Variants in COL27A1 observed in about 807,000 individuals in gnomAD.
COL27A1 encodes the protein collagen type XXVII alpha 1 chain, also known as collagen alpha-1(XXVII) chain.
In COL27A1, 106 loss-of-function variants were observed where a neutral mutation model predicts 251.3. The ratio of observed to expected loss-of-function variants is 0.42; its 90% confidence interval spans 0.36 to 0.50. COL27A1 has a LOEUF of 0.50. Among genes scored for constraint, COL27A1 ranks in the 20% least tolerant of loss-of-function variants. The pLI, the probability that COL27A1 is intolerant of heterozygous loss-of-function variation, is 0.00. For missense variants in COL27A1, 2,325 were observed against 2,522.8 expected (o/e 0.92, Z 1.68); for synonymous variants, 1,000 against 986.3 (o/e 1.01, Z -0.26).
At chr9:114,280,057 C>T (rs374984646) in intron 37 of COL27A1, among the ~76,000 whole-genome samples, 5 of 152,038 alleles carry the variant, frequency 3.3e-5, no homozygotes, top group South Asian at 2.1e-4. Context: ...ATACCTGATC[C>T]GTGTTTAGAT....
At chr9:114,265,155 TG>T in intron 31 of COL27A1, 45 bp downstream of exon 31, 1 of 537,316 alleles carries the variant, frequency 1.9e-6, no homozygotes, top group Non-Finnish European at 3.5e-6. Flanking sequence ...GGGCTTTTGA[TG>T]GGGGTGGGGG....
intron 28 of COL27A1, among the ~76,000 whole-genome samples, chr9:114,263,410 A>G (rs976512452): frequency 2.0e-5 from 3 of 151,852 alleles, no homozygotes; most frequent in Non-Finnish European, 4.4e-5. Context: ...CCTCCTCCAC[A>G]GGACACTCCT....
chr9:114,287,899 C>T (rs1050774979), intron 41 of COL27A1, among the ~76,000 whole-genome samples: 6 of 152,174 alleles, frequency 3.9e-5, no homozygotes, highest in African/African-American at 9.6e-5. Context: ...GGATAATAAT[C>T]GCATCTGCTT....
rs140033817 is a variant in COL27A1, at chr9:114,187,875, G to T, written c.2016+4800G>T. Among the ~76,000 whole-genome samples, 35 of 152,264 alleles carry T rather than the reference G, an allele frequency of 2.3e-4. No homozygotes were observed. The East Asian group carries it at 6.0e-3, about 26-fold the overall frequency. On this transcript the variant is annotated intron_variant, in intron 5 of 60. Coordinates refer to ENST00000356083, the MANE Select transcript of COL27A1 (RefSeq NM_032888.4). ...TTGATTAACATTACTGTATGTAAAT[G>T]TTAGAATATCTCCAATTATTTCATT...
intron 37 of COL27A1, among the ~76,000 whole-genome samples, chr9:114,277,784 G>A (rs72762662): frequency 6.6e-6 from 1 of 152,204 alleles, no homozygotes; most frequent in Admixed American, 6.5e-5. Flanking sequence ...CCCGCCCCCT[G>A]CCCTCTCTGG....
intron 5 of COL27A1, among the ~76,000 whole-genome samples, chr9:114,188,267 A>G (rs936905952): frequency 2.6e-5 from 4 of 152,236 alleles, no homozygotes; most frequent in African/African-American, 4.8e-5. Context: ...CTTCCAGGTC[A>G]TCAGGTCATT....
intron 7 of COL27A1, among the ~76,000 whole-genome samples, chr9:114,203,370 C>T (rs1829707830): frequency 6.6e-6 from 1 of 152,218 alleles, no homozygotes; most frequent in Admixed American, 6.5e-5. Flanking sequence ...CCTGCCATCC[C>T]TGCTCCAACT....
chr9:114,256,965 C>T (rs1833960537), intron 27 of COL27A1, among the ~76,000 whole-genome samples: 1 of 152,176 alleles, frequency 6.6e-6, no homozygotes, highest in African/African-American at 2.4e-5. Context: ...TGTTCTCCAC[C>T]ATCCGGGAGT....
At position 114,301,033 on chromosome 9, in the gene COL27A1, C is replaced by G. The variant is rs750944865; in HGVS notation, c.4702-39C>G. ...CGCTCCCCGTGTCTGTTCCCCAGGC[C>G]CTGGAACAAGGACACATGAGCCTTT... On this transcript the variant is annotated intron_variant, in intron 51 of 60. Transcript: ENST00000356083. 14 of 1,565,506 alleles carry G rather than the reference C, an allele frequency of 8.9e-6. 1 individual carries two copies. In the South Asian group the frequency reaches 1.7e-4, roughly 19 times the overall value.
At chr9:114,176,092 A>G (rs1827417035) in intron 3 of COL27A1, among the ~76,000 whole-genome samples, 1 of 152,194 alleles carries the variant, frequency 6.6e-6, no homozygotes, top group African/African-American at 2.4e-5. Context: ...GTTTGAATCC[A>G]GGCTCTGCCT....
In COL27A1 at chr9:114,231,990, C is replaced by T. The variant is rs1010252960; in HGVS notation, c.2565+124C>T. ...TGCACTCTTCCTGCCTCTCCTCTGG[C>T]CTCCCCTAAATCTGTGCTCCCTAGC... On this transcript the variant is annotated intron_variant, in intron 16 of 60. Coordinates refer to ENST00000356083, the MANE Select transcript of COL27A1 (RefSeq NM_032888.4). The T allele has an allele frequency of 2.3e-5, 21 of 929,004 alleles. No individual in the cohort carries two copies. In the South Asian group the frequency reaches 2.4e-4, roughly 11 times the overall value. The allele number at this position is 929,004 out of a possible 1,614,324, so 57.5% of individuals were successfully genotyped here. A position where few individuals can be genotyped will look rare whatever the true frequency, so the allele number is the denominator to read the frequency against.
At chr9:114,229,829 C>G (rs1831806287) in intron 14 of COL27A1, among the ~76,000 whole-genome samples, 1 of 152,192 alleles carries the variant, frequency 6.6e-6, no homozygotes, top group Non-Finnish European at 1.5e-5. Flanking sequence ...TCAGCCGCTT[C>G]TTCACTCTGT....
In COL27A1 at chr9:114,168,512, A is replaced by C; in HGVS notation, c.957A>C (p.Gln319His). The C allele has an allele frequency of 6.2e-7, 1 of 1,613,858 alleles. No individual in the cohort carries two copies. Among genetic ancestry groups the C allele is most frequent in the South Asian group, 1.1e-5 (1 of 91,066 alleles). The part of the protein sequence containing the change: ...HQHMAVGGPA[Q>H]TPLLPAKLSA... ...ATATGGCGGTGGGAGGCCCAGCCCA[A>C]ACCCCGCTGCTACCTGCCAAGCTGT... The change falls in exon 3 of 61, where the codon CAA becomes CAC. Residue 319 changes from glutamine to histidine, a missense_variant. Gln to His is a conservative substitution (Grantham distance 24). This residue lies in a region of COL27A1 where 1,183 missense variants were observed against 1,144.1 expected (regional missense o/e 1.03). Transcript: ENST00000356083.
At chr9:114,196,176 G>A (rs1389268815) in intron 7 of COL27A1, among the ~76,000 whole-genome samples, 164 bp downstream of exon 7, 5 of 152,220 alleles carry the variant, frequency 3.3e-5, no homozygotes, top group Admixed American at 6.5e-5. Flanking sequence ...CAAGGGTTGT[G>A]CCTGTTGAGG....
rs557681952 is a variant in COL27A1, at chr9:114,292,706, T to C, written c.4584+496T>C. On this transcript the variant is annotated intron_variant, in intron 49 of 60. Transcript: ENST00000356083. ...CAACTACATCTGCTGCTACAAGAAA[T>C]CCACTTCAAATATAAAGATATAAGT... is the stretch of plus-strand genomic sequence containing the variant. Among the ~76,000 whole-genome samples, 5 of 152,314 alleles carry C rather than the reference T, an allele frequency of 3.3e-5. No homozygotes were observed. In the South Asian group the frequency reaches 1.0e-3, roughly 32 times the overall value.
upstream of COL27A1, among the ~76,000 whole-genome samples, chr9:114,154,947 G>T (rs139650651): frequency 1.5e-3 from 223 of 152,250 alleles, 2 homozygotes; most frequent in African/African-American, 5.0e-3. The surrounding 1 kb of genome is among the most constrained non-coding windows in gnomAD (Gnocchi z 5.8). Flanking sequence ...GGGATCCGAG[G>T]GAGTTTTTGT....
intron 25 of COL27A1, among the ~76,000 whole-genome samples, 175 bp downstream of exon 25, chr9:114,250,843 G>A (rs1413571052): frequency 6.6e-6 from 1 of 152,114 alleles, no homozygotes; most frequent in South Asian, 2.1e-4. Flanking sequence ...ATCCCTTGGG[G>A]TTCTATCCCT....
chr9:114,290,029 C>T lies in COL27A1; in HGVS notation c.4207-29C>T. ...AGGGTCCCACACCTCTACCAGGCAG[C>T]CTCCATCATGTGGCCCTTGATTTTT... On this transcript the variant is annotated intron_variant, in intron 45 of 60. Coordinates refer to ENST00000356083, the MANE Select transcript of COL27A1 (RefSeq NM_032888.4). This position sits in a 1 kb window ranked among gnomAD's most constrained non-coding sequence, Gnocchi z 4.6. The T allele has an allele frequency of 1.2e-6, 2 of 1,611,302 alleles. No individual in the cohort carries two copies. The highest frequency in any genetic ancestry group is 1.7e-6 in the Non-Finnish European group (2 of 1,179,744).
intron 37 of COL27A1, among the ~76,000 whole-genome samples, chr9:114,277,383 C>A (rs142401870): frequency 1.3e-5 from 2 of 152,264 alleles, no homozygotes; most frequent in African/African-American, 4.8e-5. Context: ...CATTTTCACT[C>A]TTCATCCCTC....
Sources: gnomAD v4.1 joint callset for allele counts (sites outside exome capture counted in the v4.1 genomes callset) on GRCh38, gnomAD v4.1.1 for gene constraint, gnomAD v4.1.1 regional missense constraint, Gnocchi (gnomAD v3.1) non-coding constraint, MANE v1.5 for transcripts, NCBI Gene and HGNC (gene_info 2026-07-23, HGNC 2026-07-21) for gene names.